Variants in ROR1 observed in about 807,000 individuals in gnomAD.
ROR1 encodes inactive tyrosine-protein kinase transmembrane receptor ROR1.
ROR1 carries 19 observed loss-of-function variants against 78.8 expected under a neutral mutation model. The ratio of observed to expected loss-of-function variants is 0.24; its 90% confidence interval spans 0.17 to 0.35. The LOEUF (loss-of-function observed/expected upper bound fraction) is 0.35, where lower values mean the gene tolerates loss of function less well. ROR1 is among the 10% of genes least tolerant of loss of function. The pLI is 1.00. For missense variants in ROR1, 917 were observed against 1,177.8 expected (o/e 0.78, Z 3.24); for synonymous variants, 386 against 433.6 (o/e 0.89, Z 1.36).
At chr1:64,042,137 G>A (rs918983616) in intron 2 of ROR1, among the ~76,000 whole-genome samples, 1 of 152,148 alleles carries the variant, frequency 6.6e-6, no homozygotes, top group African/African-American at 2.4e-5. Flanking sequence ...AAATGGTAGT[G>A]ATAGTTACTG....
chr1:63,827,019 T>C (rs1289324129), intron 1 of ROR1, among the ~76,000 whole-genome samples: 1 of 152,046 alleles, frequency 6.6e-6, no homozygotes, highest in African/African-American at 2.4e-5. Flanking sequence ...ATCATGTCCT[T>C]TGCAGGGACA....
At chr1:63,892,831 C>T (rs1243496070) in intron 1 of ROR1, among the ~76,000 whole-genome samples, 3 of 152,072 alleles carry the variant, frequency 2.0e-5, no homozygotes, top group African/African-American at 2.4e-5. Context: ...TTTCTAGAGA[C>T]AGAACAGGGA....
intron 1 of ROR1, among the ~76,000 whole-genome samples, chr1:63,890,790 T>G (rs1485239703): frequency 6.6e-6 from 1 of 152,144 alleles, no homozygotes; most frequent in Non-Finnish European, 1.5e-5. Context: ...CCATAATTGA[T>G]GTTTGTATCT....
At chr1:63,880,453 A>G (rs1171754599) in intron 1 of ROR1, among the ~76,000 whole-genome samples, 2 of 152,208 alleles carry the variant, frequency 1.3e-5, no homozygotes, top group African/African-American at 2.4e-5. Context: ...AGAGAGAACC[A>G]CAATGTGTGT....
intron 1 of ROR1, among the ~76,000 whole-genome samples, chr1:63,883,805 C>A (rs953258460): frequency 1.3e-5 from 2 of 152,164 alleles, no homozygotes; most frequent in African/African-American, 4.8e-5. Context: ...TTCCCACCAT[C>A]ACGATACACC....
intron 1 of ROR1, among the ~76,000 whole-genome samples, chr1:63,923,772 C>T (rs1645676302): frequency 6.6e-6 from 1 of 151,808 alleles, no homozygotes; most frequent in Non-Finnish European, 1.5e-5. Flanking sequence ...TTGAATCAAT[C>T]TGTACCCCTT....
intron 4 of ROR1, among the ~76,000 whole-genome samples, chr1:64,121,460 A>G (rs1648539822): frequency 6.6e-6 from 1 of 152,022 alleles, no homozygotes; most frequent in Admixed American, 6.5e-5. Flanking sequence ...AGAAGTCTCC[A>G]CCACTGTCCC....
chr1:64,130,755 A>G (rs1474255649), intron 4 of ROR1, among the ~76,000 whole-genome samples: 1 of 152,234 alleles, frequency 6.6e-6, no homozygotes, highest in African/African-American at 2.4e-5. Flanking sequence ...TCTTCTGTCT[A>G]CATTGGAATA....
chr1:63,987,639 G>T (rs1646262999), intron 1 of ROR1, among the ~76,000 whole-genome samples: 1 of 152,144 alleles, frequency 6.6e-6, no homozygotes, highest in African/African-American at 2.4e-5. Context: ...AAACCTGAGG[G>T]TATTGTTCTC....
chr1:63,961,207 G>A (rs1012987141), intron 1 of ROR1, among the ~76,000 whole-genome samples: 1 of 152,068 alleles, frequency 6.6e-6, no homozygotes, highest in African/African-American at 2.4e-5. Flanking sequence ...GCAAGGATGT[G>A]GAAAACGGGG....
intron 4 of ROR1, among the ~76,000 whole-genome samples, chr1:64,116,839 C>T (rs535900835): frequency 7.9e-5 from 12 of 152,048 alleles, no homozygotes; most frequent in Non-Finnish European, 1.3e-4. Flanking sequence ...CCCCAGCCTA[C>T]GGTGGATTTT....
chr1:64,179,632 T>A lies in ROR1; in HGVS notation c.*777T>A, dbSNP rs992065441. 3 of 152,160 alleles carry A rather than the reference T, an allele frequency of 2.0e-5. No individual in the cohort carries two copies. Among genetic ancestry groups the A allele is most frequent in the African/African-American group, 7.2e-5 (3 of 41,426 alleles). 9.4% of individuals were successfully genotyped at this position (152,160 alleles called of 1,614,324 possible). A position where few individuals can be genotyped will look rare whatever the true frequency, so the allele number is the denominator to read the frequency against. On this transcript the variant is annotated 3_prime_UTR_variant, in exon 9 of 9. Coordinates refer to ENST00000371079, the MANE Select transcript of ROR1 (RefSeq NM_005012.4). ...ATTGTTGGTTGATAGTTCTCTTTGC[T>A]GGATTAGGAATGAGGCGCCAAAGGA...
In ROR1 at chr1:63,945,850, G is replaced by A. The variant is rs191063801; in HGVS notation, c.92-63455G>A. ...AGATTCTTAGCAAAAATACAAGAAG[G>A]TGCAGTTCATAGGTTGCTCTAGCTG... On this transcript the variant is annotated intron_variant, in intron 1 of 8. Coordinates refer to ENST00000371079, the MANE Select transcript of ROR1 (RefSeq NM_005012.4). Among the ~76,000 whole-genome samples, 3 of 152,270 alleles carry A rather than the reference G, an allele frequency of 2.0e-5. No homozygotes were observed. The East Asian group carries it at 5.8e-4, about 29-fold the overall frequency.
chr1:64,010,231 T>C (rs574971671), intron 2 of ROR1, among the ~76,000 whole-genome samples: 2 of 132,468 alleles, frequency 1.5e-5, no homozygotes, highest in East Asian at 2.6e-4. Context: ...GAAGTGGCCT[T>C]TCCCTCTTTG....
intron 1 of ROR1, among the ~76,000 whole-genome samples, chr1:63,790,647 G>A (rs1644720631): frequency 6.6e-6 from 1 of 152,124 alleles, no homozygotes; most frequent in Non-Finnish European, 1.5e-5. Context: ...GAAAATCCTG[G>A]CACTGTGCTA....
At chr1:64,016,733 T>TTTTATATATATA (rs1553151714) in intron 2 of ROR1, among the ~76,000 whole-genome samples, 3 of 140,582 alleles carry the variant, frequency 2.1e-5, no homozygotes, top group Non-Finnish European at 4.6e-5. Flanking sequence ...TAAAATATAA[T>TTTTATATATATA]TATATATATA....
chr1:63,957,212 G>T (rs1170898778), intron 1 of ROR1, among the ~76,000 whole-genome samples: 1 of 152,202 alleles, frequency 6.6e-6, no homozygotes, highest in Non-Finnish European at 1.5e-5. Flanking sequence ...TAGCCTTGGA[G>T]TACCTTCCTG....
chr1:63,915,766 G>T lies in ROR1; in HGVS notation c.92-93539G>T, dbSNP rs143666892. Among the ~76,000 whole-genome samples the T allele has an allele frequency of 2.8e-3, 431 of 152,180 alleles. 2 individuals are homozygous for T. Among genetic ancestry groups the T allele is most frequent in the African/African-American group, 0.01 (418 of 41,500 alleles). On this transcript the variant is annotated intron_variant, in intron 1 of 8. Coordinates refer to ENST00000371079, the MANE Select transcript of ROR1 (RefSeq NM_005012.4). The stretch of plus-strand genomic sequence containing the variant: ...GCCAGAAAGATTGGCAGGGGGTGGG[G>T]TGGGGTGGATGCATGTGAAGCCGGG...
At chr1:64,034,462 G>A (rs1646685317) in intron 2 of ROR1, among the ~76,000 whole-genome samples, 1 of 152,122 alleles carries the variant, frequency 6.6e-6, no homozygotes, top group South Asian at 2.1e-4. Context: ...AAATATGAAC[G>A]AGGGTGTCTT....
Sources: gnomAD v4.1 joint callset for allele counts (sites outside exome capture counted in the v4.1 genomes callset) on GRCh38, gnomAD v4.1.1 for gene constraint, MANE v1.5 for transcripts, NCBI Gene and HGNC (gene_info 2026-07-23, HGNC 2026-07-21) for gene names.